The following ZMAT4 variants were observed in gnomAD, a reference collection of about 807,000 sequenced individuals.
The protein encoded by ZMAT4 is zinc finger matrin-type protein 4.
A neutral mutation model predicts 28.7 loss-of-function variants in ZMAT4; 17 were observed. The ratio of observed to expected loss-of-function variants is 0.59; its 90% CI spans 0.41 to 0.89. ZMAT4 has a LOEUF of 0.89. Ranked by LOEUF, ZMAT4 falls within the 40% of genes least tolerant of loss-of-function variation. The pLI is 0.00. For synonymous variants in ZMAT4, 117 were observed against 109.2 expected, an observed-to-expected ratio of 1.07 and a Z score of -0.44; for missense variants, 240 against 283.8, an observed-to-expected ratio of 0.85 and a Z score of 1.11.
At chr8:40,825,213 T>C (rs1427867844) in intron 2 of ZMAT4, among the ~76,000 whole-genome samples, 1 of 152,158 alleles carries the variant, frequency 6.6e-6, no homozygotes, top group African/African-American at 2.4e-5. Flanking sequence ...TTTGGGGTCA[T>C]AGGTGGAGAC....
chr8:40,759,103 C>G (rs1292226512), intron 3 of ZMAT4, among the ~76,000 whole-genome samples: 2 of 151,702 alleles, frequency 1.3e-5, no homozygotes, highest in African/African-American at 4.8e-5. Context: ...CCAACATCAT[C>G]AAACCCCGTC....
At chr8:40,596,870 A>G (rs1434001563) in intron 5 of ZMAT4, among the ~76,000 whole-genome samples, 1 of 152,204 alleles carries the variant, frequency 6.6e-6, no homozygotes, top group African/African-American at 2.4e-5. Flanking sequence ...GACGAAGGCC[A>G]TAGGCACAGC....
At chr8:40,893,566 G>A (rs541882863) in intron 1 of ZMAT4, among the ~76,000 whole-genome samples, 35 of 152,308 alleles carry the variant, frequency 2.3e-4, no homozygotes, top group Non-Finnish European at 2.6e-4. Flanking sequence ...AGCGAAGGCC[G>A]CCGTTTCCCA....
At chr8:40,894,509 G>A (rs1256713795) in intron 1 of ZMAT4, among the ~76,000 whole-genome samples, 1 of 152,116 alleles carries the variant, frequency 6.6e-6, no homozygotes, top group African/African-American at 2.4e-5. Context: ...GGAGGAAGGG[G>A]CACGAGCATG....
chr8:40,667,493 G>A (rs1033335293), intron 5 of ZMAT4, among the ~76,000 whole-genome samples: 1 of 152,118 alleles, frequency 6.6e-6, no homozygotes, highest in African/African-American at 2.4e-5. Flanking sequence ...CTGTTGCAAT[G>A]AGCGCAAGTA....
At chr8:40,678,566 C>T (rs1809008340) in intron 4 of ZMAT4, among the ~76,000 whole-genome samples, 1 of 152,178 alleles carries the variant, frequency 6.6e-6, no homozygotes, top group East Asian at 1.9e-4. Flanking sequence ...AGAAGTAGTT[C>T]TCCCTCCTCT....
At chr8:40,557,028 C>T (rs1202583697) in intron 6 of ZMAT4, among the ~76,000 whole-genome samples, 1 of 152,144 alleles carries the variant, frequency 6.6e-6, no homozygotes, top group Non-Finnish European at 1.5e-5. Flanking sequence ...TATCATTCTA[C>T]CCTCTACCTC....
intron 4 of ZMAT4, among the ~76,000 whole-genome samples, chr8:40,692,006 T>C (rs1809686091): frequency 6.6e-6 from 1 of 152,244 alleles, no homozygotes; most frequent in African/African-American, 2.4e-5. Context: ...ACCATCATAC[T>C]TGACTAAAAT....
At chr8:40,689,530 T>C (rs753999333) in intron 4 of ZMAT4, among the ~76,000 whole-genome samples, 4 of 152,214 alleles carry the variant, frequency 2.6e-5, no homozygotes, top group Non-Finnish European at 5.9e-5. Context: ...ATATTTAAAA[T>C]GTATAGATAT....
intron 5 of ZMAT4, among the ~76,000 whole-genome samples, chr8:40,621,904 T>C (rs571475471): frequency 1.3e-5 from 2 of 152,342 alleles, no homozygotes; most frequent in Admixed American, 6.5e-5. Context: ...TTTTCCTATT[T>C]CAGTTGTGGC....
intron 1 of ZMAT4, among the ~76,000 whole-genome samples, chr8:40,848,698 A>G (rs2150633262): frequency 6.6e-6 from 1 of 152,240 alleles, no homozygotes; most frequent in Admixed American, 6.5e-5. Flanking sequence ...TATAAAAAGT[A>G]CCCAATGGTT....
At chr8:40,601,625 A>AGAAAGAAG (rs1805359311) in intron 5 of ZMAT4, among the ~76,000 whole-genome samples, 2 of 25,690 alleles carry the variant, frequency 7.8e-5, no homozygotes, top group African/African-American at 2.0e-4. Flanking sequence ...AAAGAAAGAA[A>AGAAAGAAG]GAAAGAAAGA....
chr8:40,624,807 C>T (rs925337215), intron 5 of ZMAT4, among the ~76,000 whole-genome samples: 12 of 152,128 alleles, frequency 7.9e-5, no homozygotes, highest in Non-Finnish European at 1.5e-4. Context: ...TCAACAAATA[C>T]GTACTCTGCA....
At chr8:40,636,339 C>G (rs1340658145) in intron 5 of ZMAT4, among the ~76,000 whole-genome samples, 1 of 152,220 alleles carries the variant, frequency 6.6e-6, no homozygotes, top group African/African-American at 2.4e-5. Context: ...CAAAAGCTTT[C>G]AGTTTGGAAA....
intron 6 of ZMAT4, among the ~76,000 whole-genome samples, chr8:40,535,966 G>A (rs920282760): frequency 6.6e-6 from 1 of 152,158 alleles, no homozygotes; most frequent in African/African-American, 2.4e-5. Flanking sequence ...GCCAGAGTTT[G>A]TTAGGAGAGG....
At chr8:40,580,002 G>A (rs1311029096) in intron 6 of ZMAT4, among the ~76,000 whole-genome samples, 1 of 135,896 alleles carries the variant, frequency 7.4e-6, no homozygotes, top group East Asian at 2.1e-4. Context: ...AGGACTCAAT[G>A]TATTCATCTT....
At chr8:40,535,066 G>A (rs1489690467) in intron 6 of ZMAT4, among the ~76,000 whole-genome samples, 1 of 152,130 alleles carries the variant, frequency 6.6e-6, no homozygotes, top group Non-Finnish European at 1.5e-5. Flanking sequence ...TTAGAAAAAT[G>A]TTGGGCAATT....
At chr8:40,632,423 T>C (rs1216442476) in intron 5 of ZMAT4, among the ~76,000 whole-genome samples, 1 of 152,144 alleles carries the variant, frequency 6.6e-6, no homozygotes. Context: ...AGAGAACATA[T>C]GCCCCTGTTG....
intron 1 of ZMAT4, among the ~76,000 whole-genome samples, chr8:40,858,834 A>G (rs976201032): frequency 3.3e-5 from 5 of 152,130 alleles, no homozygotes; most frequent in Non-Finnish European, 7.3e-5. Flanking sequence ...ATGATCAAAT[A>G]CAGGAAATCT....
Sources: allele counts gnomAD v4.1 joint callset (sites outside exome capture counted in the v4.1 genomes callset), GRCh38; gene constraint gnomAD v4.1.1; transcripts MANE v1.5; gene names NCBI Gene and HGNC (gene_info 2026-07-23, HGNC 2026-07-21).